Variants in RHOT1 observed in about 807,000 individuals in gnomAD.
RHOT1 encodes mitochondrial Rho GTPase 1.
Under a neutral mutation model 95.3 loss-of-function variants are expected in RHOT1, and 27 were observed. The ratio of observed to expected loss-of-function variants is 0.28; its 90% confidence interval spans 0.21 to 0.39. The LOEUF (loss-of-function observed/expected upper bound fraction) is 0.39, where lower values mean the gene tolerates loss of function less well. Among genes scored for constraint, RHOT1 ranks in the 10% least tolerant of loss-of-function variants. RHOT1 has a pLI of 1.00. For synonymous variants in RHOT1, 227 were observed against 263.5 expected (o/e 0.86, Z 1.34); for missense variants, 578 against 786.7 (o/e 0.73, Z 3.17).
At chr17:32,212,206 C>T (rs920745939) in intron 19 of RHOT1, among the ~76,000 whole-genome samples, 24 of 152,208 alleles carry the variant, frequency 1.6e-4, no homozygotes, top group African/African-American at 5.5e-4. Context: ...TTAACTGTAT[C>T]AAATGACCAT....
chr17:32,209,274 C>G, intron 18 of RHOT1: 1 of 689,132 alleles, frequency 1.5e-6, no homozygotes, highest in Non-Finnish European at 2.3e-6. Context: ...ACAAGTCATT[C>G]CTATTATTAT....
rs535659453 is a variant in RHOT1 at position 32,206,545 on chromosome 17, G to A, written c.1417-365G>A. Among the ~76,000 whole-genome samples the A allele has an allele frequency of 2.3e-5, 3 of 131,694 alleles. No homozygotes were observed. In the South Asian group the frequency reaches 7.8e-4, roughly 34 times the overall value. 86.4% of individuals were successfully genotyped at this position (131,694 alleles called of 152,430 possible). On this transcript the variant is annotated intron_variant, in intron 16 of 19. Coordinates refer to ENST00000545287, the MANE Select transcript of RHOT1 (RefSeq NM_001033566.3). ...CTGCTCACTGCGAGCTCCGCCTCCC[G>A]GGTTCATGCCATTCTCCTGCCTCAG...
chr17:32,166,115 G>T (rs1034043349), intron 1 of RHOT1, among the ~76,000 whole-genome samples: 21 of 151,356 alleles, frequency 1.4e-4, no homozygotes, highest in Admixed American at 1.2e-3. Context: ...TTGAACCTGG[G>T]TGGCAGAGGT....
chr17:32,211,065 C>A, intron 18 of RHOT1, 51 bp from the exon 19 acceptor site: 2 of 1,548,218 alleles, frequency 1.3e-6, no homozygotes, highest in Non-Finnish European at 1.8e-6. Context: ...CTGACTTGTG[C>A]CATATTTGTA....
rs976549045 is a variant in RHOT1 at position 32,150,873 on chromosome 17, A to G, written c.37+8144A>G. On this transcript the variant is annotated intron_variant, in intron 1 of 19. Coordinates refer to ENST00000545287, the MANE Select transcript of RHOT1 (RefSeq NM_001033566.3). ...TGTAGAAATCTGAAACCACGGGAGA[A>G]AAAGCATAAGCACTGGGGGATGTTC... 34 of 1,538,366 alleles carry G rather than the reference A, an allele frequency of 2.2e-5. No individual in the cohort carries two copies. In the African/African-American group the frequency reaches 4.5e-4, roughly 21 times the overall value.
intron 1 of RHOT1, among the ~76,000 whole-genome samples, chr17:32,166,762 A>T (rs894416604): frequency 2.0e-5 from 3 of 152,196 alleles, no homozygotes; most frequent in African/African-American, 7.2e-5. Flanking sequence ...TTTAGGCTTC[A>T]CTTCTAATTC....
At chr17:32,163,729 C>CA (rs936182232) in intron 1 of RHOT1, among the ~76,000 whole-genome samples, 17 of 131,420 alleles carry the variant, frequency 1.3e-4, no homozygotes, top group African/African-American at 3.1e-4. Flanking sequence ...GACTCCATCT[C>CA]AAAAAAAAAG....
At position 32,154,641 on chromosome 17, in the gene RHOT1, CTG is replaced by C. The variant is rs1162950167; in HGVS notation, c.37+11913_37+11914del. 1.1e-4 allele frequency among the ~76,000 whole-genome samples: 17 copies of C among 150,554 alleles called. No individual in the cohort carries two copies. The East Asian group carries it at 3.1e-3, about 28-fold the overall frequency. The stretch of plus-strand genomic sequence containing the variant: ...GGTGCAGTGGCTCATGCTTGTAAAC[CTG>C]GCACTTTGGGAGGCTGAGGTGGGTG... On this transcript the variant is annotated intron_variant, in intron 1 of 19. Transcript: ENST00000545287.
chr17:32,159,741 G>A, intron 1 of RHOT1: 1 of 152,804 alleles, frequency 6.5e-6, no homozygotes. Context: ...AGCATGGGAG[G>A]GAGGCTGAGA....
intron 1 of RHOT1, among the ~76,000 whole-genome samples, chr17:32,158,965 G>A (rs907845125): frequency 1.3e-5 from 2 of 152,040 alleles, no homozygotes; most frequent in Non-Finnish European, 2.9e-5. Flanking sequence ...GAGCAGCAGT[G>A]GTGGTGGTGG....
Position 32,224,601 on chromosome 17 carries a change from A to G in RHOT1, c.1863-15A>G. The G allele has an allele frequency of 1.3e-6, 2 of 1,565,958 alleles. No individual in the cohort carries two copies. The highest frequency in any genetic ancestry group is 1.7e-6 in the Non-Finnish European group (2 of 1,143,252). On this transcript the variant is annotated splice_polypyrimidine_tract_variant and intron_variant, in intron 19 of 19. Coordinates refer to ENST00000545287, the MANE Select transcript of RHOT1 (RefSeq NM_001033566.3). Reference sequence around the variant, plus strand: ...TAATCATGTTTTAAATAATAATTATATTTTCTGACTGCAGGCACGTGACAC... The same window carrying G: ...TAATCATGTTTTAAATAATAATTATGTTTTCTGACTGCAGGCACGTGACAC...
In RHOT1 at chr17:32,191,506, G is replaced by T. The variant is rs75909223; in HGVS notation, c.541-695G>T. On this transcript the variant is annotated intron_variant, in intron 8 of 19. Transcript: ENST00000545287. ...TGGTTATACAGTGTAGAAGCATGTG[G>T]GCCTTATTTTAAAATAGTCATATAT... 8.8e-3 allele frequency among the ~76,000 whole-genome samples: 1,333 copies of T among 152,120 alleles called. 5 individuals are homozygous for T. Among genetic ancestry groups the T allele is most frequent in the Non-Finnish European group, 0.013 (861 of 67,982 alleles).
rs138787375 is a variant in RHOT1, at chr17:32,178,209, C to G, written c.329+1996C>G. Among the ~76,000 whole-genome samples the G allele has an allele frequency of 1.6e-3, 241 of 149,858 alleles. 1 individual carries two copies. The highest frequency in any genetic ancestry group is 0.01 in the Middle Eastern group (3 of 292). On this transcript the variant is annotated intron_variant, in intron 6 of 19. Transcript: ENST00000545287. The stretch of plus-strand genomic sequence containing the variant: ...CATGAAATAATAAATGCCCTCCCCC[C>G]CCCCAGTGATCTCCCTCTCTTGCCG...
At position 32,198,971 on chromosome 17, in the gene RHOT1, T is replaced by C. The variant is rs1414699271; in HGVS notation, c.894T>C (p.Thr298=). The change falls in exon 12 of 20, where the codon ACT becomes ACC. Residue 298 remains threonine (T), a synonymous_variant. Transcript: ENST00000545287. ...FPLLKIPPDC[T]TELNHHAYLF... ...GGCTGAAAATACCTCCTGATTGCAC[T>C]ACTGAATTAAATCATCATGCATATT... 2 of 1,610,796 alleles carry C rather than the reference T, an allele frequency of 1.2e-6. No homozygotes were observed. The highest frequency in any genetic ancestry group is 2.2e-5 in the East Asian group (1 of 44,764).
intron 11 of RHOT1, among the ~76,000 whole-genome samples, chr17:32,198,744 T>G (rs1395283020): frequency 6.6e-6 from 1 of 152,168 alleles, no homozygotes; most frequent in Non-Finnish European, 1.5e-5. Flanking sequence ...ATGTTGTTAC[T>G]TTGGAATGAG....
At chr17:32,159,001 G>A (rs942134259) in intron 1 of RHOT1, among the ~76,000 whole-genome samples, 1 of 152,136 alleles carries the variant, frequency 6.6e-6, no homozygotes. Context: ...CATCCCTGAG[G>A]CAGCTGAGTG....
chr17:32,219,925 A>G (rs2038721139), intron 19 of RHOT1, among the ~76,000 whole-genome samples: 1 of 152,240 alleles, frequency 6.6e-6, no homozygotes, highest in African/African-American at 2.4e-5. Context: ...TGATTTTGAT[A>G]TATCACTAGG....
chr17:32,178,215 G>A (rs301346), intron 6 of RHOT1, among the ~76,000 whole-genome samples: 131,265 of 132,826 alleles, frequency 0.99, 64,882 homozygotes, highest in Middle Eastern at 1. Context: ...CCCCCCCCCA[G>A]TGATCTCCCT....
chr17:32,196,664 G>A (rs184672854), intron 11 of RHOT1, among the ~76,000 whole-genome samples: 276 of 151,978 alleles, frequency 1.8e-3, no homozygotes, highest in African/African-American at 6.5e-3. Context: ...TCTCCCTCTC[G>A]CCCCCACCTA....
Sources: gnomAD v4.1 joint callset for allele counts (sites outside exome capture counted in the v4.1 genomes callset) on GRCh38, gnomAD v4.1.1 for gene constraint, MANE v1.5 for transcripts, NCBI Gene and HGNC (gene_info 2026-07-23, HGNC 2026-07-21) for gene names.